The following MCM7 variants were observed in gnomAD, a reference collection of about 807,000 sequenced individuals.
MCM7 encodes minichromosome maintenance complex component 7.
A neutral mutation model predicts 83.5 loss-of-function variants in MCM7; 95 were observed. The observed-to-expected ratio is 1.14, with a 90% confidence interval of 0.96 to 1.35. The LOEUF (loss-of-function observed/expected upper bound fraction) is 1.35, where lower values mean the gene tolerates loss of function less well. MCM7 is among the 40% of genes most tolerant of loss of function. The pLI is 0.00. For missense variants in MCM7, 1,087 were observed against 957.4 expected (o/e 1.14, Z -1.79); for synonymous variants, 461 against 352.7 (o/e 1.31, Z -3.44).
chr7:100,100,857 C>T, intron 1 of MCM7: 1 of 1,028,822 alleles, frequency 9.7e-7, no homozygotes, highest in Non-Finnish European at 1.2e-6. Context: ...GGCCTGCCCG[C>T]CCCCGGGGCC....
Position 100,097,073 on chromosome 7 carries a change from C to A in MCM7, c.1201+228G>T, listed in dbSNP as rs141789532. Reference sequence around the variant, plus strand: ...CCGAGATAGCGCCACTGCACTCCGGCCTGGGCGAAAGAGCAAGCCTCTATC... The same window carrying A: ...CCGAGATAGCGCCACTGCACTCCGGACTGGGCGAAAGAGCAAGCCTCTATC... On this transcript the variant is annotated intron_variant, in intron 10 of 14. Coordinates refer to ENST00000303887, the MANE Select transcript of MCM7 (RefSeq NM_005916.5). 3.1e-4 allele frequency among the ~76,000 whole-genome samples: 47 copies of A among 152,270 alleles called. No individual in the cohort carries two copies. The East Asian group carries it at 9.1e-3, about 29-fold the overall frequency.
At chr7:100,096,975 C>T (rs1795671137) in intron 10 of MCM7, among the ~76,000 whole-genome samples, 1 of 152,042 alleles carries the variant, frequency 6.6e-6, no homozygotes, top group South Asian at 2.1e-4. Flanking sequence ...GTGGCGGGCG[C>T]CTGTAGTCCC....
intron 1 of MCM7, 102 bp from the exon 2 acceptor site, chr7:100,100,195 G>A (rs745794592): frequency 1.6e-5 from 24 of 1,490,260 alleles, no homozygotes; most frequent in East Asian, 4.9e-5. Flanking sequence ...AATAATATGA[G>A]CATTTAAATA....
chr7:100,099,773 G>GA lies in MCM7; in HGVS notation c.112-21dup, dbSNP rs570386408. On this transcript the variant is annotated intron_variant, in intron 2 of 14. Coordinates refer to ENST00000303887, the MANE Select transcript of MCM7 (RefSeq NM_005916.5). ...CCGAACCTCAAGTGGGGAAGAGACA[G>GA]AAACACCTCAGAGCCACATTCACTT... 2.1e-4 allele frequency: 339 copies of GA among 1,612,758 alleles called. 1 individual carries two copies. The African/African-American group carries it at 3.1e-3, about 15-fold the overall frequency.
At chr7:100,099,443 C>T (rs111242402) in intron 3 of MCM7, 40 bp from the exon 4 acceptor site, 47 of 1,488,982 alleles carry the variant, frequency 3.2e-5, no homozygotes, top group African/African-American at 2.8e-4. Context: ...AAAAGAGCAA[C>T]AGGATGGGGA....
chr7:100,099,639 G>C lies in MCM7; in HGVS notation c.226C>G (p.Leu76Val), dbSNP rs771505430. 6.8e-6 allele frequency: 11 copies of C among 1,614,168 alleles called. No individual in the cohort carries two copies. Among genetic ancestry groups the C allele is most frequent in the Non-Finnish European group, 9.3e-6 (11 of 1,180,048 alleles). ...ICENARRYAK[L>V]FADAVQELLP... is the part of the protein sequence containing the mutation. ...AGCTCTTGTACGGCATCAGCAAAGA[G>C]CTTCGCGTAGCGCCTGGCATTCTCA... is the stretch of plus-strand genomic sequence containing the variant. Residue 76 changes from leucine (L) to valine (V), a missense_variant, in exon 3 of 15, where the codon CTC (leucine) becomes GTC (valine). Coordinates refer to ENST00000303887, the MANE Select transcript of MCM7 (RefSeq NM_005916.5).
Position 100,100,385 on chromosome 7 carries a change from G to A in MCM7, c.32-292C>T. On this transcript the variant is annotated intron_variant, in intron 1 of 14. Transcript: ENST00000303887. Reference sequence around the variant, plus strand: ...TTCCCCGTTGGCCCCTCACACTCCGGTCTCAAGGTTCTCAGCTTTCTTTCC... The same window carrying A: ...TTCCCCGTTGGCCCCTCACACTCCGATCTCAAGGTTCTCAGCTTTCTTTCC... The A allele has an allele frequency of 2.8e-6, 3 of 1,082,166 alleles. No individual in the cohort carries two copies. In the South Asian group the frequency reaches 7.9e-5, roughly 29 times the overall value. 67.0% of individuals were successfully genotyped at this position (1,082,166 alleles called of 1,614,324 possible). A position where few individuals can be genotyped will look rare whatever the true frequency, so the allele number is the denominator to read the frequency against.
intron 5 of MCM7, 107 bp downstream of exon 5, chr7:100,098,916 C>A: frequency 1.3e-6 from 2 of 1,487,022 alleles, no homozygotes; most frequent in South Asian, 2.5e-5. Flanking sequence ...GGCGAACACA[C>A]AGGCAACTTT....
rs577812301 is a variant in MCM7, at chr7:100,096,442, T to C, written c.1202-275A>G. ...TCAGCCTCCCAAGTAACTGAGACTATAGGCACTCACTACCACACCCAACCA... is the reference window on the plus strand; with the variant it reads ...TCAGCCTCCCAAGTAACTGAGACTACAGGCACTCACTACCACACCCAACCA... On this transcript the variant is annotated intron_variant, in intron 10 of 14. Coordinates refer to ENST00000303887, the MANE Select transcript of MCM7 (RefSeq NM_005916.5). 4.9e-3 allele frequency among the ~76,000 whole-genome samples: 743 copies of C among 152,250 alleles called. 9 individuals are homozygous for C. Among genetic ancestry groups the C allele is most frequent in the Non-Finnish European group, 7.8e-3 (530 of 68,012 alleles).
At chr7:100,094,138 A>G (rs960359359) in intron 13 of MCM7, 35 bp downstream of exon 13, 2 of 1,613,978 alleles carry the variant, frequency 1.2e-6, no homozygotes. Context: ...TTTAAGGGTC[A>G]AAACAGATGG....
chr7:100,098,096 A>AG, intron 7 of MCM7, 45 bp downstream of exon 7: 1 of 1,606,356 alleles, frequency 6.2e-7, no homozygotes, highest in African/African-American at 1.3e-5. Context: ...TGAGTAGGTG[A>AG]GGGAAAAGGG....
rs1305055147 is a variant in MCM7 at position 100,099,213 on chromosome 7, G to A, written c.402-10C>T. On this transcript the variant is annotated splice_polypyrimidine_tract_variant and intron_variant, in intron 4 of 14. Transcript: ENST00000303887. ...TTGAAAATACAGCTCACTAAGGGGAGAAAACAGTCACAAACAAGATCCTGG... is the reference window on the plus strand; with the variant it reads ...TTGAAAATACAGCTCACTAAGGGGAAAAAACAGTCACAAACAAGATCCTGG... 1.9e-6 allele frequency: 3 copies of A among 1,613,872 alleles called. No homozygotes were observed. The highest frequency in any genetic ancestry group is 3.3e-5 in the Admixed American group (2 of 59,988).
chr7:100,101,397 T>C lies in MCM7; in HGVS notation c.-103A>G. 6.5e-7 allele frequency: 1 copy of C among 1,530,176 alleles called. No individual in the cohort carries two copies. The highest frequency in any genetic ancestry group is 1.4e-5 in the African/African-American group (1 of 73,528). The allele number at this position is 1,530,176 out of a possible 1,614,324, so 94.8% of individuals were successfully genotyped here. On this transcript the variant is annotated 5_prime_UTR_variant, in exon 1 of 15. Coordinates refer to ENST00000303887, the MANE Select transcript of MCM7 (RefSeq NM_005916.5). ...TGGACTGTGGCCGGCCAACCGAAATTGGCGCGAAACGTCGCCCCCCACGTG... is the reference window on the plus strand; with the variant it reads ...TGGACTGTGGCCGGCCAACCGAAATCGGCGCGAAACGTCGCCCCCCACGTG...
At chr7:100,095,215 C>A (rs1471605155) in intron 12 of MCM7, among the ~76,000 whole-genome samples, 172 bp downstream of exon 12, 1 of 152,174 alleles carries the variant, frequency 6.6e-6, no homozygotes, top group African/African-American at 2.4e-5. Context: ...TCCTGTGTCC[C>A]TATGATATGA....
intron 10 of MCM7, 22 bp downstream of exon 10, chr7:100,097,264 TCACTATATTCACCTC>T: frequency 6.4e-7 from 1 of 1,573,142 alleles, no homozygotes; most frequent in South Asian, 1.1e-5. Flanking sequence ...GTCCTGTCTG[TCACTATATTCACCTC>T]CCGCAAAGCC....
At position 100,098,210 on chromosome 7, in the gene MCM7, A is replaced by T. The variant is rs754302843; in HGVS notation, c.801T>A (p.Pro267=). 15 of 1,614,174 alleles carry T rather than the reference A, an allele frequency of 9.3e-6. No individual in the cohort carries two copies. Among genetic ancestry groups the T allele is most frequent in the Non-Finnish European group, 1.3e-5 (15 of 1,180,020 alleles). ...TACCAGTGACGCTGACGTGGTCTCC[A>T]GGCTGGGCAATCCTTGTGTTCTCTC... ...VEGENTRIAQ[P]GDHVSVTGIF... The change falls in exon 7 of 15, where the codon CCT becomes CCA. Residue 267 remains proline, a synonymous_variant. Transcript: ENST00000303887.
intron 1 of MCM7, chr7:100,100,633 A>T: frequency 1.0e-6 from 1 of 989,874 alleles, no homozygotes; most frequent in Non-Finnish European, 1.2e-6. Flanking sequence ...ACCCAGAGAC[A>T]CCGCGATCCC....
chr7:100,100,184 T>G, intron 1 of MCM7, 91 bp from the exon 2 acceptor site: 1 of 1,516,870 alleles, frequency 6.6e-7, no homozygotes, highest in Non-Finnish European at 8.8e-7. Context: ...ATGAACTAAT[T>G]AATAATATGA....
chr7:100,093,825 G>T (rs779705683), intron 13 of MCM7: 1 of 628,896 alleles, frequency 1.6e-6, no homozygotes, highest in South Asian at 1.4e-5. Context: ...CTACCTGCAC[G>T]AACAGCACTT....
Sources: gnomAD v4.1 joint callset for allele counts (sites outside exome capture counted in the v4.1 genomes callset) on GRCh38, gnomAD v4.1.1 for gene constraint, MANE v1.5 for transcripts, NCBI Gene and HGNC (gene_info 2026-07-23, HGNC 2026-07-21) for gene names.